Variants in BICC1 observed in about 807,000 individuals in gnomAD.
BICC1 encodes protein bicaudal C homolog 1.
BICC1 carries 43 observed loss-of-function variants against 111.0 expected under a neutral mutation model. That is an observed-to-expected ratio of 0.39 (90% CI 0.30 to 0.50). The LOEUF (loss-of-function observed/expected upper bound fraction) is 0.50, where lower values mean the gene tolerates loss of function less well. BICC1 is among the 20% of genes least tolerant of loss of function. The pLI is 0.88. For synonymous variants in BICC1, 467 were observed against 434.4 expected (o/e 1.07, Z -0.93); for missense variants, 1,091 against 1,203.2 (o/e 0.91, Z 1.38).
At chr10:58,683,622 AT>A (rs1406913388) in intron 2 of BICC1, among the ~76,000 whole-genome samples, 7 of 152,004 alleles carry the variant, frequency 4.6e-5, no homozygotes, top group Non-Finnish European at 1.0e-4. Flanking sequence ...ATTCCTAGGT[AT>A]TTTATTCTCT....
intron 1 of BICC1, among the ~76,000 whole-genome samples, chr10:58,542,157 A>C (rs7091764): frequency 4.1e-5 from 6 of 145,642 alleles, no homozygotes; most frequent in Non-Finnish European, 5.9e-5. Context: ...TCTCAAAAAA[A>C]AAAAAAAAAC....
Position 58,829,142 on chromosome 10 carries a change from A to T in BICC1, c.*251A>T. On this transcript the variant is annotated 3_prime_UTR_variant, in exon 21 of 21. Coordinates refer to ENST00000373886, the MANE Select transcript of BICC1 (RefSeq NM_001080512.3). ...TGGACAGAATTTGCAATATAAGGATAGGGCTTTATTTCCTGTTTTTATTTA... is the reference window on the plus strand; with the variant it reads ...TGGACAGAATTTGCAATATAAGGATTGGGCTTTATTTCCTGTTTTTATTTA... 1 of 253,584 alleles carries T rather than the reference A, an allele frequency of 3.9e-6. No homozygotes were observed. The highest frequency in any genetic ancestry group is 7.4e-6 in the Non-Finnish European group (1 of 135,834). 15.7% of individuals were successfully genotyped at this position (253,584 alleles called of 1,614,324 possible).
chr10:58,789,485 C>T, intron 7 of BICC1, 29 bp downstream of exon 7: 1 of 1,572,278 alleles, frequency 6.4e-7, no homozygotes, highest in Non-Finnish European at 8.7e-7. Flanking sequence ...TCTGCACATC[C>T]TATATGTACA....
intron 2 of BICC1, among the ~76,000 whole-genome samples, chr10:58,631,282 A>G (rs2132173457): frequency 6.6e-6 from 1 of 152,266 alleles, no homozygotes; most frequent in Non-Finnish European, 1.5e-5. Context: ...TGCCTCTCTA[A>G]GTAACATGAT....
At chr10:58,603,063 A>G (rs1340353729) in intron 1 of BICC1, among the ~76,000 whole-genome samples, 1 of 152,146 alleles carries the variant, frequency 6.6e-6, no homozygotes, top group Non-Finnish European at 1.5e-5. Flanking sequence ...AGAATATTTT[A>G]ATGTTAAAAT....
chr10:58,542,879 G>T (rs1464565284), intron 1 of BICC1, among the ~76,000 whole-genome samples: 1 of 151,932 alleles, frequency 6.6e-6, no homozygotes, highest in Non-Finnish European at 1.5e-5. Context: ...AACAAGTGTT[G>T]GTTAGGATCT....
chr10:58,616,133 G>A, intron 1 of BICC1, among the ~76,000 whole-genome samples: 1 of 152,168 alleles, frequency 6.6e-6, no homozygotes, highest in Non-Finnish European at 1.5e-5. Context: ...AAAGGAATTA[G>A]AGGCTGCTGT....
At chr10:58,568,525 T>A (rs529721296) in intron 1 of BICC1, among the ~76,000 whole-genome samples, 7 of 152,252 alleles carry the variant, frequency 4.6e-5, no homozygotes, top group African/African-American at 1.7e-4. Flanking sequence ...AACTGAGAAC[T>A]CCTTCTGGCA....
intron 3 of BICC1, among the ~76,000 whole-genome samples, chr10:58,784,777 A>C (rs1312511078): frequency 3.3e-5 from 5 of 152,170 alleles, no homozygotes; most frequent in Admixed American, 6.5e-5. Flanking sequence ...GGTTTAGCCA[A>C]TTTTAAGGAA....
At chr10:58,521,875 T>C (rs558292366) in intron 1 of BICC1, among the ~76,000 whole-genome samples, 102 of 148,686 alleles carry the variant, frequency 6.9e-4, no homozygotes, top group Non-Finnish European at 1.2e-3. Flanking sequence ...GTTGGCAGGA[T>C]TGGCATTTTG....
intron 1 of BICC1, among the ~76,000 whole-genome samples, chr10:58,570,308 T>G (rs1431046409): frequency 6.6e-6 from 1 of 152,214 alleles, no homozygotes; most frequent in African/African-American, 2.4e-5. Flanking sequence ...TGGCTAAGGT[T>G]ATCTCCTATT....
At chr10:58,726,279 C>T (rs1299263354) in intron 3 of BICC1, among the ~76,000 whole-genome samples, 1 of 152,168 alleles carries the variant, frequency 6.6e-6, no homozygotes, top group African/African-American at 2.4e-5. Flanking sequence ...GTGAAAATTA[C>T]ATAATTTATT....
chr10:58,689,360 C>G (rs1354328936), intron 2 of BICC1, among the ~76,000 whole-genome samples: 1 of 152,122 alleles, frequency 6.6e-6, no homozygotes, highest in African/African-American at 2.4e-5. Context: ...GATCACGTGC[C>G]TATTGGTAAA....
intron 3 of BICC1, among the ~76,000 whole-genome samples, chr10:58,772,420 T>G (rs1842643945): frequency 6.6e-6 from 1 of 152,168 alleles, no homozygotes; most frequent in Non-Finnish European, 1.5e-5. Flanking sequence ...TCAAATTTGG[T>G]GTTGTCCTAT....
chr10:58,514,654 TCTTTCTCTGTCTCTCCC>T (rs771685135), intron 1 of BICC1, among the ~76,000 whole-genome samples: 1 of 139,482 alleles, frequency 7.2e-6, no homozygotes, highest in Non-Finnish European at 1.5e-5. Flanking sequence ...GTGTGTCATG[TCTTTCTCTGTCTCTCCC>T]CTTCCCTCTC....
chr10:58,518,242 C>G (rs1472500371), intron 1 of BICC1, among the ~76,000 whole-genome samples: 1 of 152,152 alleles, frequency 6.6e-6, no homozygotes, highest in Non-Finnish European at 1.5e-5. Flanking sequence ...GTTAATCTCT[C>G]TTCTGGTTGT....
At chr10:58,541,308 C>CCA (rs772756573) in intron 1 of BICC1, among the ~76,000 whole-genome samples, 1 of 151,926 alleles carries the variant, frequency 6.6e-6, no homozygotes, top group Non-Finnish European at 1.5e-5. Flanking sequence ...CCTAATGATT[C>CCA]CACACACACA....
chr10:58,661,195 C>T (rs1226223369), intron 2 of BICC1, among the ~76,000 whole-genome samples: 7 of 138,312 alleles, frequency 5.1e-5, no homozygotes, highest in East Asian at 4.4e-4. Context: ...TTAAAGGGCT[C>T]GCATATCGAG....
chr10:58,561,960 T>C lies in BICC1; in HGVS notation c.190+48627T>C, dbSNP rs76748889. On this transcript the variant is annotated intron_variant, in intron 1 of 20. Transcript: ENST00000373886. ...ATATATAATACCATTTTCTTTTTGC[T>C]GGTAGCATTTCTGCTGATAAATTTG... 5.2e-3 allele frequency among the ~76,000 whole-genome samples: 794 copies of C among 152,286 alleles called. 4 individuals carry two copies. Among genetic ancestry groups the C allele is most frequent in the African/African-American group, 0.018 (758 of 41,576 alleles).
Sources: allele counts gnomAD v4.1 joint callset (sites outside exome capture counted in the v4.1 genomes callset), GRCh38; gene constraint gnomAD v4.1.1; transcripts MANE v1.5; gene names NCBI Gene and HGNC (gene_info 2026-07-23, HGNC 2026-07-21).